MORC4: variants seen among roughly 807,000 people sequenced by gnomAD.
The protein encoded by MORC4 is MORC family CW-type zinc finger 4.
MORC4 carries 22 observed loss-of-function variants against 65.5 expected under a neutral mutation model. That is an observed-to-expected ratio of 0.34 (90% CI 0.24 to 0.48). The LOEUF (loss-of-function observed/expected upper bound fraction) is 0.48. Ranked by LOEUF, MORC4 falls within the 20% of genes least tolerant of loss-of-function variation. MORC4 has a pLI of 0.99. For synonymous variants in MORC4, 267 were observed against 255.8 expected (o/e 1.04, Z -0.42); for missense variants, 624 against 703.0 (o/e 0.89, Z 1.27).
In MORC4 at chrX:106,942,727, G is replaced by C; in HGVS notation, c.2164C>G (p.Arg722Gly). The C allele has an allele frequency of 8.3e-7, 1 of 1,211,320 alleles. No homozygotes were observed. The highest frequency in any genetic ancestry group is 1.1e-6 in the Non-Finnish European group (1 of 895,357). ...PFNREELAER[R>G]KAVESWNPVP... ...GGGTTCCAGGATTCAACTGCTTTTC[G>C]TCTCTCAGCAAGCTCCTCTCTGTTA... The change falls in exon 15 of 17, where the codon CGA (arginine) becomes GGA (glycine). Residue 722 changes from arginine to glycine, a missense_variant. By Grantham distance (125) the Arg-to-Gly change is moderately radical. Transcript: ENST00000355610.
intron 14 of MORC4, 92 bp downstream of exon 14, chrX:106,954,821 A>G (rs1934063878): frequency 5.7e-6 from 5 of 869,914 alleles, no homozygotes; most frequent in Non-Finnish European, 8.1e-6. Flanking sequence ...GGCCTTAGAA[A>G]AAACAGAAAC....
Position 106,986,065 on chromosome X carries a change from A to G in MORC4, c.444T>C (p.Val148=), listed in dbSNP as rs1175649227. The change falls in exon 4 of 17, where the codon GTT becomes GTC. Residue 148 remains valine (V), a synonymous_variant. Transcript: ENST00000355610. ...CCAGATAGGTCTGTGATAGAAGTCC[A>G]ACAGTGAGAGTACCCCCATTCTTGG... is the stretch of plus-strand genomic sequence containing the variant. The part of the protein sequence containing the change: ...VFTKNGGTLT[V]GLLSQTYLEC... The G allele has an allele frequency of 4.1e-6, 5 of 1,209,260 alleles. No individual in the cohort carries two copies. Among genetic ancestry groups the G allele is most frequent in the Non-Finnish European group, 5.6e-6 (5 of 894,533 alleles).
chrX:106,977,129 A>G (rs1934641642), intron 8 of MORC4, among the ~76,000 whole-genome samples: 1 of 112,233 alleles, frequency 8.9e-6, no homozygotes. Flanking sequence ...ATATTAAAAT[A>G]AACAATTTTC....
chrX:106,987,630 TA>T (rs1934898365), intron 3 of MORC4, among the ~76,000 whole-genome samples: 2 of 111,793 alleles, frequency 1.8e-5, no homozygotes, highest in African/African-American at 6.5e-5. Flanking sequence ...GGCTGATCTT[TA>T]ACAATTTTAC....
intron 14 of MORC4, among the ~76,000 whole-genome samples, chrX:106,953,150 C>T (rs946197294): frequency 1.8e-5 from 2 of 112,107 alleles, no homozygotes; most frequent in African/African-American, 6.5e-5. Context: ...CATAAAGACT[C>T]ATACAAAAAT....
At chrX:106,981,824 A>G (rs1050749842) in intron 5 of MORC4, among the ~76,000 whole-genome samples, 12 of 111,917 alleles carry the variant, frequency 1.1e-4, no homozygotes, top group Admixed American at 1.0e-3. Flanking sequence ...ATTGTTAGTA[A>G]GTCACTCAAC....
At chrX:106,969,327 T>C (rs1427544276) in intron 9 of MORC4, among the ~76,000 whole-genome samples, 2 of 111,908 alleles carry the variant, frequency 1.8e-5, no homozygotes, top group South Asian at 3.7e-4. Flanking sequence ...TTTAAAGCTG[T>C]CTGTAGAGGG....
Position 106,986,117 on chromosome X carries a change from C to T in MORC4, c.392G>A (p.Arg131Gln). ...GAAGACAAGGGCGTCCTTTCCTAGC[C>T]GCATGGAGCCTGACTTGAAACCATT... ...FGNGFKSGSMRLGKDALVFTK... is the reference protein window; with the variant it reads ...FGNGFKSGSMQLGKDALVFTK... Residue 131 changes from arginine (R) to glutamine (Q), a missense_variant, in exon 4 of 17, where the codon CGG (arginine) becomes CAG (glutamine). Transcript: ENST00000355610. 4 of 1,210,698 alleles carry T rather than the reference C, an allele frequency of 3.3e-6. No homozygotes were observed. The highest frequency in any genetic ancestry group is 4.5e-6 in the Non-Finnish European group (4 of 894,791).
intron 3 of MORC4, among the ~76,000 whole-genome samples, chrX:106,987,969 G>A (rs1161285232): frequency 9.0e-6 from 1 of 110,874 alleles, no homozygotes; most frequent in Admixed American, 9.6e-5. Flanking sequence ...CATTTTTCTT[G>A]TGGAAGAATT....
chrX:106,963,454 T>A (rs1934298514), intron 9 of MORC4, among the ~76,000 whole-genome samples: 1 of 112,027 alleles, frequency 8.9e-6, no homozygotes, highest in Non-Finnish European at 1.9e-5. Context: ...CAACCCTCCA[T>A]GTGTTCCAAG....
intron 9 of MORC4, among the ~76,000 whole-genome samples, chrX:106,966,382 G>A (rs1934373385): frequency 8.9e-6 from 1 of 112,513 alleles, no homozygotes; most frequent in Admixed American, 9.4e-5. Flanking sequence ...CAGAAGACAG[G>A]TAATTTCTGC....
chrX:106,991,486 T>C (rs1441460289), intron 3 of MORC4, among the ~76,000 whole-genome samples: 1 of 112,518 alleles, frequency 8.9e-6, no homozygotes, highest in Non-Finnish European at 1.9e-5. Context: ...TTCTACCTTA[T>C]AACTCTAACC....
Position 106,966,309 on chromosome X carries a change from T to C in MORC4, c.1158-4199A>G, listed in dbSNP as rs1014645662. The stretch of plus-strand genomic sequence containing the variant: ...CAAACTACTCTTTGAAAAGATAAAG[T>C]GAGCGTTTCCAAGATGGCTGAATAG... On this transcript the variant is annotated intron_variant, in intron 9 of 16. Transcript: ENST00000355610. 3.6e-5 allele frequency among the ~76,000 whole-genome samples: 4 copies of C among 112,250 alleles called. No individual in the cohort carries two copies. In the East Asian group the frequency reaches 1.1e-3, roughly 31 times the overall value.
At chrX:106,963,355 T>C (rs1362291104) in intron 9 of MORC4, among the ~76,000 whole-genome samples, 2 of 111,866 alleles carry the variant, frequency 1.8e-5, no homozygotes, top group Non-Finnish European at 1.9e-5. Flanking sequence ...AGGAGAAGGC[T>C]TGGATGGTAA....
Position 106,981,400 on chromosome X carries a change from T to C in MORC4, c.752A>G (p.Glu251Gly), listed in dbSNP as rs1415184286. The C allele has an allele frequency of 8.3e-7, 1 of 1,203,403 alleles. No homozygotes were observed. Among genetic ancestry groups the C allele is most frequent in the Non-Finnish European group, 1.1e-6 (1 of 890,224 alleles). The change falls in exon 6 of 17, where the codon GAA becomes GGA. Residue 251 changes from glutamate (E) to glycine (G), a missense_variant. By Grantham distance (98) the Glu-to-Gly change is moderately conservative. Coordinates refer to ENST00000355610, the MANE Select transcript of MORC4 (RefSeq NM_024657.5). ...AGAGGTAACACCGCCAGTCATTTTT[T>C]CTTCTGTGTCAAAGTCTGATACCAG... The part of the protein sequence containing the change: ...DILVSDFDTE[E>G]KMTGGVTSEL...
intron 9 of MORC4, among the ~76,000 whole-genome samples, chrX:106,972,767 C>T (rs1221370447): frequency 9.0e-6 from 1 of 111,650 alleles, no homozygotes; most frequent in Non-Finnish European, 1.9e-5. Context: ...GGAGAAACCC[C>T]GTCTCTACTA....
intron 8 of MORC4, among the ~76,000 whole-genome samples, chrX:106,977,156 CCAAA>C (rs1458340620): frequency 1.8e-5 from 2 of 111,749 alleles, no homozygotes; most frequent in Non-Finnish European, 3.8e-5. Context: ...ACATAGGCCA[CCAAA>C]CAACTACTAA....
rs886308948 is a variant in MORC4 at position 106,996,353 on chromosome X, G to T, written c.176-2991C>A. On this transcript the variant is annotated intron_variant, in intron 2 of 16. Coordinates refer to ENST00000355610, the MANE Select transcript of MORC4 (RefSeq NM_024657.5). ...CAAGAGGCCAGGGTCAGCTGGAGCA[G>T]TAGGGAAAGAGAGATCAGTAGAGAG... is the stretch of plus-strand genomic sequence containing the variant. Among the ~76,000 whole-genome samples, 7 of 109,990 alleles carry T rather than the reference G, an allele frequency of 6.4e-5. 1 individual carries two copies. In the Middle Eastern group the frequency reaches 0.019, roughly 291 times the overall value.
chrX:106,972,306 G>A (rs1350874580), intron 9 of MORC4, among the ~76,000 whole-genome samples: 1 of 110,323 alleles, frequency 9.1e-6, no homozygotes, highest in Non-Finnish European at 1.9e-5. Context: ...ATCACACACT[G>A]AGGCCTGTAG....
Sources: gnomAD v4.1 joint callset for allele counts (sites outside exome capture counted in the v4.1 genomes callset) on GRCh38, gnomAD v4.1.1 for gene constraint, MANE v1.5 for transcripts, NCBI Gene and HGNC (gene_info 2026-07-23, HGNC 2026-07-21) for gene names.